Variants in SLC35F4 observed in about 807,000 individuals in gnomAD.
The protein encoded by SLC35F4 is chromosome 14 open reading frame 36.
A neutral mutation model predicts 44.2 loss-of-function variants in SLC35F4; 24 were observed. The ratio of observed to expected loss-of-function variants is 0.54; its 90% CI spans 0.39 to 0.76. The LOEUF (loss-of-function observed/expected upper bound fraction) is 0.76, where lower values mean the gene tolerates loss of function less well. Ranked by LOEUF, SLC35F4 falls within the 30% of genes least tolerant of loss-of-function variation. SLC35F4 has a pLI of 0.00. For synonymous variants in SLC35F4, 238 were observed against 223.6 expected, an observed-to-expected ratio of 1.06 and a Z score of -0.57; for missense variants, 562 against 586.1, an observed-to-expected ratio of 0.96 and a Z score of 0.42.
At chr14:57,925,737 T>A (rs1194359477) in intron 1 of SLC35F4, among the ~76,000 whole-genome samples, 1 of 151,942 alleles carries the variant, frequency 6.6e-6, no homozygotes, top group African/African-American at 2.4e-5. Context: ...CATACCTGAG[T>A]TGGCTTGTTA....
chr14:57,803,208 C>G (rs182511900), intron 1 of SLC35F4, among the ~76,000 whole-genome samples: 2 of 152,018 alleles, frequency 1.3e-5, no homozygotes, highest in Admixed American at 6.6e-5. Flanking sequence ...AAAAACCACA[C>G]GATTATCTCA....
chr14:57,667,718 T>G (rs2074365485), intron 1 of SLC35F4, among the ~76,000 whole-genome samples: 1 of 151,886 alleles, frequency 6.6e-6, no homozygotes, highest in African/African-American at 2.4e-5. Flanking sequence ...CCACATTTTC[T>G]TAATCCAGTC....
chr14:57,883,817 GT>G (rs751092253), intron 1 of SLC35F4, among the ~76,000 whole-genome samples: 5 of 152,140 alleles, frequency 3.3e-5, no homozygotes, highest in African/African-American at 4.8e-5. Context: ...TCCTATTGAA[GT>G]GCTAATATAG....
intron 1 of SLC35F4, chr14:57,602,335 G>C (rs534095012): frequency 6.6e-6 from 1 of 152,250 alleles, no homozygotes; most frequent in Admixed American, 6.5e-5. Flanking sequence ...TTTGTAGAGA[G>C]ATGGTGGCTT....
intron 1 of SLC35F4, among the ~76,000 whole-genome samples, chr14:57,842,982 T>A (rs1012986190): frequency 2.6e-5 from 4 of 152,204 alleles, no homozygotes; most frequent in South Asian, 2.1e-4. Flanking sequence ...TCATGCTGGA[T>A]GTTTCCTGCC....
chr14:57,957,582 T>C (rs567181811), intron 1 of SLC35F4, among the ~76,000 whole-genome samples: 7 of 152,280 alleles, frequency 4.6e-5, no homozygotes, highest in African/African-American at 1.7e-4. Flanking sequence ...AAATTTTCAA[T>C]TGCCCAACAT....
chr14:57,857,849 G>C (rs1011093286), intron 1 of SLC35F4, among the ~76,000 whole-genome samples: 5 of 152,040 alleles, frequency 3.3e-5, no homozygotes, highest in Admixed American at 1.3e-4. Flanking sequence ...AGGAGACAGA[G>C]AGGGAGCACT....
intron 1 of SLC35F4, among the ~76,000 whole-genome samples, chr14:57,680,624 G>A (rs754441300): frequency 1.5e-4 from 23 of 152,100 alleles, no homozygotes; most frequent in South Asian, 4.1e-4. Context: ...AAAACCCCAC[G>A]GCCTCAGCCC....
intron 1 of SLC35F4, among the ~76,000 whole-genome samples, chr14:57,927,077 C>A (rs1315221255): frequency 6.6e-6 from 1 of 152,340 alleles, no homozygotes; most frequent in Non-Finnish European, 1.5e-5. Flanking sequence ...ATGTGACCTG[C>A]CTCAGAGATG....
chr14:57,623,396 A>G (rs887809499), intron 1 of SLC35F4, among the ~76,000 whole-genome samples: 1 of 152,242 alleles, frequency 6.6e-6, no homozygotes, highest in African/African-American at 2.4e-5. Flanking sequence ...AACATTAGAC[A>G]GATCAACGAG....
chr14:57,948,972 G>A (rs1225812985), intron 1 of SLC35F4, among the ~76,000 whole-genome samples: 1 of 152,112 alleles, frequency 6.6e-6, no homozygotes, highest in Non-Finnish European at 1.5e-5. Context: ...CTATCTTGGA[G>A]AATGTTCTAT....
chr14:57,753,312 T>C (rs1316935528), intron 1 of SLC35F4, among the ~76,000 whole-genome samples: 1 of 152,178 alleles, frequency 6.6e-6, no homozygotes, highest in Non-Finnish European at 1.5e-5. Context: ...AGTGATTAGA[T>C]TCTCCTCTGG....
chr14:57,672,522 C>G (rs368064898), intron 1 of SLC35F4, among the ~76,000 whole-genome samples: 1 of 152,052 alleles, frequency 6.6e-6, no homozygotes, highest in Non-Finnish European at 1.5e-5. Flanking sequence ...CAAAGATATG[C>G]TATTGGCCCC....
At chr14:57,665,956 A>G (rs1054677983) in intron 1 of SLC35F4, among the ~76,000 whole-genome samples, 1 of 152,188 alleles carries the variant, frequency 6.6e-6, no homozygotes, top group Admixed American at 6.5e-5. Context: ...TAGAGGGGGA[A>G]CAACACACAT....
chr14:57,817,558 A>T (rs948381986), intron 1 of SLC35F4, among the ~76,000 whole-genome samples: 2 of 152,156 alleles, frequency 1.3e-5, no homozygotes, highest in East Asian at 3.9e-4. Context: ...ACGAGGATAT[A>T]TGCAATGGAA....
At chr14:57,677,486 T>C (rs895544348) in intron 1 of SLC35F4, among the ~76,000 whole-genome samples, 4 of 152,070 alleles carry the variant, frequency 2.6e-5, no homozygotes, top group African/African-American at 7.3e-5. Flanking sequence ...GTGTTAATGA[T>C]AGACTCTAGA....
At chr14:57,905,266 A>G (rs1889085394) in intron 1 of SLC35F4, among the ~76,000 whole-genome samples, 1 of 152,200 alleles carries the variant, frequency 6.6e-6, no homozygotes, top group Non-Finnish European at 1.5e-5. Context: ...GGCTACTTGA[A>G]TGTCCTCATA....
intron 1 of SLC35F4, among the ~76,000 whole-genome samples, chr14:57,648,423 AAAAT>A (rs1408289566): frequency 6.6e-6 from 1 of 152,224 alleles, no homozygotes; most frequent in Non-Finnish European, 1.5e-5. Flanking sequence ...AAATAAACAT[AAAAT>A]AAAAATTCAA....
At chr14:57,770,849 T>C (rs890280003) in intron 1 of SLC35F4, among the ~76,000 whole-genome samples, 4 of 152,232 alleles carry the variant, frequency 2.6e-5, no homozygotes, top group African/African-American at 9.6e-5. Context: ...ATCTTGGCTT[T>C]GCATTTAAAA....
Sources: allele counts gnomAD v4.1 joint callset (sites outside exome capture counted in the v4.1 genomes callset), GRCh38; gene constraint gnomAD v4.1.1; transcripts MANE v1.5; gene names NCBI Gene and HGNC (gene_info 2026-07-23, HGNC 2026-07-21).